Variants in SLC26A7 observed in about 807,000 individuals in gnomAD.
The protein encoded by SLC26A7 is solute carrier family 26 member 7, also known as anion exchange transporter.
In SLC26A7, 59 loss-of-function variants were observed where a neutral mutation model predicts 82.5. The observed-to-expected ratio is 0.72, with a 90% CI of 0.58 to 0.89. The LOEUF is 0.89. Among genes scored for constraint, SLC26A7 ranks in the 40% least tolerant of loss-of-function variants. The pLI is 0.00. For synonymous variants in SLC26A7, 271 were observed against 274.3 expected, an observed-to-expected ratio of 0.99 and a Z score of 0.12; for missense variants, 820 against 793.0, an observed-to-expected ratio of 1.03 and a Z score of -0.41.
intron 4 of SLC26A7, among the ~76,000 whole-genome samples, chr8:91,308,010 C>T (rs1812370366): frequency 6.6e-6 from 1 of 152,020 alleles, no homozygotes; most frequent in African/African-American, 2.4e-5. Context: ...TTAATTATTA[C>T]CTAATGTCCT....
intron 5 of SLC26A7, among the ~76,000 whole-genome samples, chr8:91,332,491 TACACACACACACACAC>T (rs34306717): frequency 6.4e-5 from 8 of 125,206 alleles, no homozygotes; most frequent in South Asian, 5.3e-4. Flanking sequence ...ATATATTTAA[TACACACACACACACAC>T]ACACACACAC....
intron 3 of SLC26A7, among the ~76,000 whole-genome samples, chr8:91,295,289 C>T (rs1366446612): frequency 6.6e-6 from 1 of 152,052 alleles, no homozygotes; most frequent in Non-Finnish European, 1.5e-5. Flanking sequence ...ATGTCTGAAC[C>T]AGGAGGGAAT....
chr8:91,339,139 C>G (rs978230915), intron 7 of SLC26A7, among the ~76,000 whole-genome samples: 3 of 152,052 alleles, frequency 2.0e-5, no homozygotes, highest in Admixed American at 6.6e-5. Flanking sequence ...TCCTTTTATG[C>G]CAATTTGTTG....
intron 2 of SLC26A7, among the ~76,000 whole-genome samples, chr8:91,254,185 C>G (rs1810738425): frequency 6.6e-6 from 1 of 152,000 alleles, no homozygotes; most frequent in Admixed American, 6.6e-5. Flanking sequence ...TATAAAAGTC[C>G]AGATGCCCAG....
At chr8:91,319,375 A>G (rs966251972) in intron 5 of SLC26A7, among the ~76,000 whole-genome samples, 2 of 152,166 alleles carry the variant, frequency 1.3e-5, no homozygotes, top group African/African-American at 4.8e-5. Context: ...GGTTATGGCT[A>G]TTTTTTAAGT....
In SLC26A7 at chr8:91,358,359, C is replaced by T. The variant is rs188074256; in HGVS notation, c.1315-3994C>T. Among the ~76,000 whole-genome samples the T allele has an allele frequency of 1.3e-3, 187 of 142,492 alleles. 1 individual carries two copies. The highest frequency in any genetic ancestry group is 2.1e-3 in the Non-Finnish European group (137 of 66,474). The allele number at this position is 142,492 out of a possible 152,430, so 93.5% of individuals were successfully genotyped here. A position where few individuals can be genotyped will look rare whatever the true frequency, so the allele number is the denominator to read the frequency against. On this transcript the variant is annotated intron_variant, in intron 11 of 18. Transcript: ENST00000276609. ...TTTTTTTTTTTTTGAGGCATAGTCT[C>T]ACTCCGTCCCCCAGGCTGGAGTGCA...
chr8:91,222,847 G>A (rs1810180280), intron 2 of SLC26A7, among the ~76,000 whole-genome samples: 2 of 152,142 alleles, frequency 1.3e-5, no homozygotes, highest in South Asian at 4.1e-4. Flanking sequence ...GATGATGCTG[G>A]CTTCATAAAA....
At chr8:91,305,648 A>G (rs1812284765) in intron 4 of SLC26A7, among the ~76,000 whole-genome samples, 1 of 152,204 alleles carries the variant, frequency 6.6e-6, no homozygotes, top group African/African-American at 2.4e-5. Context: ...GAAGTGTCTG[A>G]GAACTGAAAA....
Position 91,389,338 on chromosome 8 carries a change from A to C in SLC26A7, c.1676A>C (p.Glu559Ala), listed in dbSNP as rs1333395439. ...LNSLSNGNCN[E>A]EASQSCPNEK... ...ACTCAAGTCTCTGTTTCTCCTACAG[A>C]AGAAGCTTCACAGTCCTGCCCTAAT... The change falls in exon 16 of 19, where the codon GAA becomes GCA. Residue 559 changes from glutamate (E) to alanine (A), a missense_variant and splice_region_variant. Glu to Ala is a moderately radical substitution (Grantham distance 107). Transcript: ENST00000276609. 2 of 1,612,156 alleles carry C rather than the reference A, an allele frequency of 1.2e-6. No individual in the cohort carries two copies. The highest frequency in any genetic ancestry group is 2.2e-5 in the South Asian group (2 of 90,968).
intron 2 of SLC26A7, among the ~76,000 whole-genome samples, chr8:91,228,733 A>G (rs1810273117): frequency 1.3e-5 from 2 of 152,198 alleles, no homozygotes; most frequent in Admixed American, 1.3e-4. Flanking sequence ...TTATAACTAA[A>G]GCCTGTGATT....
chr8:91,214,023 C>T (rs913045428), intron 1 of SLC26A7, among the ~76,000 whole-genome samples: 4 of 151,888 alleles, frequency 2.6e-5, no homozygotes, highest in East Asian at 1.9e-4. Flanking sequence ...TATATGTGTT[C>T]GTGTGTGTGT....
At chr8:91,278,653 G>C (rs1811471163) in intron 2 of SLC26A7, among the ~76,000 whole-genome samples, 1 of 151,922 alleles carries the variant, frequency 6.6e-6, no homozygotes, top group Admixed American at 6.6e-5. Context: ...AACTGTATAT[G>C]CTTATGAAGT....
At chr8:91,262,616 C>A (rs927405670) in intron 2 of SLC26A7, among the ~76,000 whole-genome samples, 1 of 151,776 alleles carries the variant, frequency 6.6e-6, no homozygotes, top group East Asian at 1.9e-4. Flanking sequence ...GGCCTCTTGG[C>A]CTCTTGTGGA....
At chr8:91,258,356 A>G (rs1810864779) in intron 2 of SLC26A7, among the ~76,000 whole-genome samples, 1 of 152,100 alleles carries the variant, frequency 6.6e-6, no homozygotes, top group Non-Finnish European at 1.5e-5. Flanking sequence ...TTTTCCTACC[A>G]AAAGTAATCC....
intron 13 of SLC26A7, among the ~76,000 whole-genome samples, chr8:91,365,508 G>T (rs1814168339): frequency 6.6e-6 from 1 of 152,098 alleles, no homozygotes; most frequent in Non-Finnish European, 1.5e-5. Context: ...AGAGTTCATT[G>T]TTATTTTTTG....
At chr8:91,268,830 A>G (rs1811185426) in intron 2 of SLC26A7, among the ~76,000 whole-genome samples, 1 of 150,846 alleles carries the variant, frequency 6.6e-6, no homozygotes, top group African/African-American at 2.4e-5. Context: ...TGTGCTATTT[A>G]TTTTTAGTGT....
intron 4 of SLC26A7, among the ~76,000 whole-genome samples, chr8:91,297,217 G>A (rs1360057386): frequency 6.6e-6 from 1 of 151,858 alleles, no homozygotes; most frequent in Non-Finnish European, 1.5e-5. Flanking sequence ...TTAGTTTTAG[G>A]TATATATTAG....
At chr8:91,247,270 A>T (rs1042738648), upstream of SLC26A7, among the ~76,000 whole-genome samples, 2 of 152,222 alleles carry the variant, frequency 1.3e-5, no homozygotes, top group Non-Finnish European at 2.9e-5. Context: ...GTTTAGGAAG[A>T]GATATTCCAT....
At chr8:91,365,328 A>G (rs976077512) in intron 13 of SLC26A7, among the ~76,000 whole-genome samples, 10 of 151,690 alleles carry the variant, frequency 6.6e-5, no homozygotes, top group African/African-American at 1.9e-4. Context: ...AAAATTGCAA[A>G]AAAGTCTCAT....
Sources: gnomAD v4.1 joint callset for allele counts (sites outside exome capture counted in the v4.1 genomes callset) on GRCh38, gnomAD v4.1.1 for gene constraint, MANE v1.5 for transcripts, NCBI Gene and HGNC (gene_info 2026-07-23, HGNC 2026-07-21) for gene names.